GABRB2: variants seen among roughly 807,000 people sequenced by gnomAD.
GABRB2 encodes gamma-aminobutyric acid type A receptor subunit beta2.
Under a neutral mutation model 54.7 loss-of-function variants are expected in GABRB2, and 16 were observed. The observed-to-expected ratio is 0.29, with a 90% CI of 0.20 to 0.44. The LOEUF is 0.44. Among genes scored for constraint, GABRB2 ranks in the 20% least tolerant of loss-of-function variants. GABRB2 has a pLI of 1.00. For synonymous variants in GABRB2, 244 were observed against 233.8 expected (o/e 1.04, Z -0.40); for missense variants, 355 against 644.0 (o/e 0.55, Z 4.86).
chr5:161,351,699 A>T (rs1190836873), intron 5 of GABRB2, among the ~76,000 whole-genome samples: 1 of 152,118 alleles, frequency 6.6e-6, no homozygotes, highest in African/African-American at 2.4e-5. Context: ...AAACATACAA[A>T]TGGGAATACA....
intron 7 of GABRB2, 27 bp downstream of exon 7, chr5:161,334,725 T>C (rs1351171511): frequency 3.7e-6 from 6 of 1,610,550 alleles, no homozygotes; most frequent in Non-Finnish European, 5.1e-6. Context: ...AGAGTCAAAA[T>C]CCACAAGCAG....
chr5:161,534,701 A>C (rs2113462304), intron 3 of GABRB2, among the ~76,000 whole-genome samples: 1 of 152,294 alleles, frequency 6.6e-6, no homozygotes, highest in Admixed American at 6.5e-5. Flanking sequence ...ACTGCCTAAA[A>C]ATAGATGAAT....
intron 5 of GABRB2, among the ~76,000 whole-genome samples, chr5:161,378,974 C>T (rs1755388496): frequency 6.6e-6 from 1 of 152,118 alleles, no homozygotes; most frequent in Admixed American, 6.6e-5. Context: ...GAGAAGTGGC[C>T]ATCTAAAATG....
intron 9 of GABRB2, among the ~76,000 whole-genome samples, chr5:161,304,714 T>G (rs541454728): frequency 6.6e-6 from 1 of 151,998 alleles, no homozygotes; most frequent in South Asian, 2.1e-4. Context: ...AATATTCAGG[T>G]TGAGATAGGA....
At chr5:161,386,278 A>AACC (rs1755628387) in intron 5 of GABRB2, among the ~76,000 whole-genome samples, 1 of 152,164 alleles carries the variant, frequency 6.6e-6, no homozygotes. Context: ...ATGGCACAAG[A>AACC]ACCACTTCAA....
chr5:161,462,137 A>G (rs1033959744), intron 3 of GABRB2, among the ~76,000 whole-genome samples: 1 of 152,154 alleles, frequency 6.6e-6, no homozygotes. Context: ...TCAAACTTCT[A>G]TCCTATCAAA....
intron 5 of GABRB2, among the ~76,000 whole-genome samples, chr5:161,406,284 C>T (rs1015505047): frequency 6.6e-6 from 1 of 152,104 alleles, no homozygotes; most frequent in Middle Eastern, 3.4e-3. Context: ...AATTAATTTG[C>T]ATTTTATACT....
Position 161,546,323 on chromosome 5 carries a change from T to A in GABRB2, c.168A>T (p.Gly56=). ...GYDIRLRPDF[G]GPPVAVGMNI... ...TTATTTGCAAGGCAACCCCATTACC[T>A]CCAAAATCTGGTCTCAGACGAATGT... Residue 56 remains glycine (G), a splice_region_variant and synonymous_variant, in exon 2 of 10, where the codon GGA becomes GGT. Coordinates refer to ENST00000393959, the MANE Select transcript of GABRB2 (RefSeq NM_001371727.1). 6.2e-7 allele frequency: 1 copy of A among 1,613,768 alleles called. No homozygotes were observed. The highest frequency in any genetic ancestry group is 8.5e-7 in the Non-Finnish European group (1 of 1,179,698).
At chr5:161,307,399 T>C (rs1757720852) in intron 9 of GABRB2, among the ~76,000 whole-genome samples, 1 of 152,244 alleles carries the variant, frequency 6.6e-6, no homozygotes, top group South Asian at 2.1e-4. Context: ...AATAATAATA[T>C]AAAATCACAT....
At chr5:161,395,252 G>A (rs1162984863) in intron 5 of GABRB2, among the ~76,000 whole-genome samples, 6 of 152,030 alleles carry the variant, frequency 3.9e-5, no homozygotes, top group Non-Finnish European at 5.9e-5. Context: ...AAACACAATA[G>A]TCCCATTTTT....
chr5:161,335,446 T>G (rs369728473), intron 6 of GABRB2, among the ~76,000 whole-genome samples: 3 of 152,166 alleles, frequency 2.0e-5, no homozygotes, highest in Non-Finnish European at 4.4e-5. Context: ...GTATACCTTA[T>G]CAACCAAAAG....
At chr5:161,532,787 T>A (rs755317517) in intron 3 of GABRB2, among the ~76,000 whole-genome samples, 4 of 152,158 alleles carry the variant, frequency 2.6e-5, no homozygotes, top group Non-Finnish European at 5.9e-5. Flanking sequence ...TAGCAGTTGA[T>A]AAATATTTCC....
intron 3 of GABRB2, among the ~76,000 whole-genome samples, chr5:161,498,945 G>A (rs1463915018): frequency 6.6e-6 from 1 of 152,104 alleles, no homozygotes; most frequent in Admixed American, 6.6e-5. Context: ...TCACAGCTAC[G>A]CTTGATGCTC....
chr5:161,378,851 TC>T (rs1369439844), intron 5 of GABRB2, among the ~76,000 whole-genome samples: 2 of 152,132 alleles, frequency 1.3e-5, no homozygotes, highest in African/African-American at 4.8e-5. Context: ...TGGAATCAGT[TC>T]CAGTGTAATT....
At chr5:161,378,727 GAA>G (rs1187782713) in intron 5 of GABRB2, among the ~76,000 whole-genome samples, 2 of 129,310 alleles carry the variant, frequency 1.5e-5, no homozygotes, top group Non-Finnish European at 3.4e-5. Context: ...TACTTGGTTT[GAA>G]AGTTACAGCT....
chr5:161,440,461 A>G (rs989154567), intron 4 of GABRB2, among the ~76,000 whole-genome samples: 16 of 152,152 alleles, frequency 1.1e-4, no homozygotes, highest in African/African-American at 3.9e-4. Flanking sequence ...CCGACAAAAT[A>G]TATTTCAACA....
chr5:161,429,116 G>A (rs1333435777), intron 4 of GABRB2, among the ~76,000 whole-genome samples: 3 of 151,602 alleles, frequency 2.0e-5, no homozygotes, highest in Non-Finnish European at 4.4e-5. Flanking sequence ...GGAGGCTGAG[G>A]CAGGCAGATC....
At chr5:161,441,229 T>A (rs1757456665) in intron 4 of GABRB2, among the ~76,000 whole-genome samples, 1 of 152,068 alleles carries the variant, frequency 6.6e-6, no homozygotes, top group Non-Finnish European at 1.5e-5. Context: ...AAGGAATCAA[T>A]AACCAGAATA....
At chr5:161,371,117 C>A (rs946596790) in intron 5 of GABRB2, among the ~76,000 whole-genome samples, 3 of 152,086 alleles carry the variant, frequency 2.0e-5, no homozygotes, top group African/African-American at 7.2e-5. Flanking sequence ...GCCTCCAACC[C>A]CCTCTCTGAC....
Sources: allele counts gnomAD v4.1 joint callset (sites outside exome capture counted in the v4.1 genomes callset), GRCh38; gene constraint gnomAD v4.1.1; transcripts MANE v1.5; gene names NCBI Gene and HGNC (gene_info 2026-07-23, HGNC 2026-07-21).